Variants in CNST observed in about 807,000 individuals in gnomAD.
CNST encodes consortin.
In CNST, 39 loss-of-function variants were observed where a neutral mutation model predicts 72.4. That is an observed-to-expected ratio of 0.54 (90% CI 0.42 to 0.70). The LOEUF (loss-of-function observed/expected upper bound fraction) is 0.70, where lower values mean the gene tolerates loss of function less well. Among genes scored for constraint, CNST ranks in the 30% least tolerant of loss-of-function variants. The pLI is 0.00. For synonymous variants in CNST, 332 were observed against 320.1 expected, an observed-to-expected ratio of 1.04 and a Z score of -0.40; for missense variants, 871 against 868.5, an observed-to-expected ratio of 1.00 and a Z score of -0.04.
intron 9 of CNST, among the ~76,000 whole-genome samples, chr1:246,655,828 T>C (rs2103155124): frequency 6.6e-6 from 1 of 152,280 alleles, no homozygotes; most frequent in Middle Eastern, 3.4e-3. Context: ...GTCTGCAAAA[T>C]GGGGCTGATA....
intron 2 of CNST, among the ~76,000 whole-genome samples, chr1:246,613,803 C>T (rs996764767): frequency 6.8e-5 from 10 of 146,836 alleles, no homozygotes; most frequent in Admixed American, 1.4e-4. Flanking sequence ...GAGTGATTCT[C>T]CTGCCTCAGC....
intron 2 of CNST, chr1:246,607,586 G>C (rs184004110): frequency 6.5e-6 from 1 of 153,190 alleles, no homozygotes; most frequent in East Asian, 1.9e-4. Flanking sequence ...GACCGGGCAG[G>C]GGTTTTACAG....
intron 2 of CNST, chr1:246,606,564 G>A (rs957307728): frequency 6.6e-6 from 1 of 152,066 alleles, no homozygotes; most frequent in African/African-American, 2.4e-5. Flanking sequence ...GGGCTGAGGC[G>A]GTTTGGTTAG....
chr1:246,566,804 G>T (rs1659721642), intron 1 of CNST, 141 bp downstream of exon 1: 4 of 397,524 alleles, frequency 1.0e-5, no homozygotes, highest in Non-Finnish European at 1.3e-5. Context: ...GGTGTAGCCC[G>T]GTCCCCTTAC....
chr1:246,617,897 G>A (rs911609476), intron 2 of CNST, among the ~76,000 whole-genome samples: 1 of 152,168 alleles, frequency 6.6e-6, no homozygotes, highest in Non-Finnish European at 1.5e-5. Flanking sequence ...TTTGAGCCAC[G>A]ATAGAATTCT....
At chr1:246,628,264 C>T (rs1045249644) in intron 3 of CNST, among the ~76,000 whole-genome samples, 3 of 152,132 alleles carry the variant, frequency 2.0e-5, no homozygotes, top group African/African-American at 4.8e-5. Context: ...AGGATCAATA[C>T]TTTGTATCCT....
intron 3 of CNST, among the ~76,000 whole-genome samples, chr1:246,626,663 G>T (rs2103087609): frequency 6.6e-6 from 1 of 150,654 alleles, no homozygotes; most frequent in Middle Eastern, 3.5e-3. Flanking sequence ...CATCATGTTG[G>T]CCAGGCTGGT....
chr1:246,619,807 G>C (rs1663934087), intron 2 of CNST, among the ~76,000 whole-genome samples: 1 of 152,248 alleles, frequency 6.6e-6, no homozygotes, highest in African/African-American at 2.4e-5. Context: ...GGCAGTAGAA[G>C]GCAGGGCTCT....
In CNST at chr1:246,612,569, GT is replaced by G. The variant is rs532338683; in HGVS notation, c.380-8853del. ...TTTAAAATGTTAAATTTTGTGTTATGTTTTTTTAAAAAAATAGCCCCCCAAA... is the reference window on the plus strand; with the variant it reads ...TTTAAAATGTTAAATTTTGTGTTATGTTTTTTAAAAAAATAGCCCCCCAAA... On this transcript the variant is annotated intron_variant, in intron 2 of 10. Transcript: ENST00000366513. Among the ~76,000 whole-genome samples, 24 of 152,134 alleles carry G rather than the reference GT, an allele frequency of 1.6e-4. 1 individual carries two copies. In the South Asian group the frequency reaches 5.0e-3, roughly 32 times the overall value.
intron 6 of CNST, among the ~76,000 whole-genome samples, chr1:246,636,780 A>G (rs1204314984): frequency 6.6e-6 from 1 of 152,156 alleles, no homozygotes; most frequent in Non-Finnish European, 1.5e-5. Flanking sequence ...CTGATTCAAC[A>G]CATTCCTCGA....
chr1:246,653,015 AAAAG>A (rs200831239), intron 9 of CNST, among the ~76,000 whole-genome samples: 2,255 of 151,982 alleles, frequency 0.015, 50 homozygotes, highest in African/African-American at 0.052. Flanking sequence ...AAAAAAAAAA[AAAAG>A]AAAGCTTTTA....
intron 3 of CNST, among the ~76,000 whole-genome samples, chr1:246,631,222 C>T (rs1211997746): frequency 6.6e-6 from 1 of 152,128 alleles, no homozygotes; most frequent in African/African-American, 2.4e-5. Context: ...ACTGACAAGC[C>T]TGAACTGAGA....
chr1:246,606,103 T>G (rs1304487209), intron 2 of CNST: 4 of 152,302 alleles, frequency 2.6e-5, no homozygotes, highest in African/African-American at 9.7e-5. Flanking sequence ...AGAAAAAATT[T>G]TGGCGTATTC....
intron 1 of CNST, among the ~76,000 whole-genome samples, chr1:246,580,473 A>G (rs1470468886): frequency 6.6e-6 from 1 of 152,172 alleles, no homozygotes; most frequent in Non-Finnish European, 1.5e-5. Flanking sequence ...AGGTAAGAAC[A>G]GTTATGAAAT....
intron 8 of CNST, among the ~76,000 whole-genome samples, chr1:246,645,527 A>G (rs1473992997): frequency 6.9e-6 from 1 of 145,528 alleles, no homozygotes; most frequent in Non-Finnish European, 1.5e-5. Context: ...TCCCGGGTTC[A>G]CGCCATTCTC....
intron 2 of CNST, among the ~76,000 whole-genome samples, chr1:246,620,579 A>G (rs1157383360): frequency 1.8e-5 from 2 of 114,110 alleles, no homozygotes. Flanking sequence ...CTCTGGGCAC[A>G]CTACAGGGAG....
intron 6 of CNST, among the ~76,000 whole-genome samples, chr1:246,641,383 C>G (rs542451442): frequency 3.9e-5 from 6 of 152,294 alleles, no homozygotes; most frequent in African/African-American, 1.4e-4. Context: ...ACAAAATTAT[C>G]TTCAACCATA....
chr1:246,619,037 C>T (rs1042368866), intron 2 of CNST, among the ~76,000 whole-genome samples: 1 of 151,958 alleles, frequency 6.6e-6, no homozygotes, highest in Non-Finnish European at 1.5e-5. Context: ...TGGAGTAATA[C>T]CCTGATAACT....
intron 6 of CNST, among the ~76,000 whole-genome samples, chr1:246,640,471 T>C (rs571689918): frequency 6.6e-6 from 1 of 152,252 alleles, no homozygotes; most frequent in Non-Finnish European, 1.5e-5. Context: ...ATAATAATAA[T>C]AAGGCACTTA....
Sources: gnomAD v4.1 joint callset for allele counts (sites outside exome capture counted in the v4.1 genomes callset) on GRCh38, gnomAD v4.1.1 for gene constraint, MANE v1.5 for transcripts, NCBI Gene and HGNC (gene_info 2026-07-23, HGNC 2026-07-21) for gene names.